WWTR1: variants seen among roughly 807,000 people sequenced by gnomAD.
The protein encoded by WWTR1 is WW domain containing transcription regulator 1, also known as WW domain-containing transcription regulator protein 1.
Under a neutral mutation model 40.1 loss-of-function variants are expected in WWTR1, and 13 were observed. The observed-to-expected ratio is 0.32, with a 90% CI of 0.21 to 0.52. The LOEUF is 0.52. Among genes scored for constraint, WWTR1 ranks in the 20% least tolerant of loss-of-function variants. WWTR1 has a pLI of 0.97. For synonymous variants in WWTR1, 230 were observed against 210.1 expected, an observed-to-expected ratio of 1.09 and a Z score of -0.82; for missense variants, 436 against 523.1, an observed-to-expected ratio of 0.83 and a Z score of 1.63.
rs529706499 is a variant in WWTR1, at chr3:149,539,436, G to C, written c.771+2899C>G. Among the ~76,000 whole-genome samples the C allele has an allele frequency of 7.9e-5, 12 of 152,192 alleles. No individual in the cohort carries two copies. The South Asian group carries it at 2.1e-3, about 26-fold the overall frequency. ...TCCCAGACAGGCTCAGTTGGTAGAA[G>C]GGCAGGTAGGTCTAGGCCTACCTGC... On this transcript the variant is annotated intron_variant, in intron 4 of 6. Coordinates refer to ENST00000360632, the MANE Select transcript of WWTR1 (RefSeq NM_015472.6).
chr3:149,551,539 G>A (rs1736619254), intron 3 of WWTR1, among the ~76,000 whole-genome samples: 1 of 145,294 alleles, frequency 6.9e-6, no homozygotes, highest in African/African-American at 2.6e-5. Context: ...CATGAGAGGG[G>A]AGCATAAAAG....
rs75985398 is a variant in WWTR1 at position 149,678,123 on chromosome 3, A to G, written c.-107-8232T>C. 4.2e-3 allele frequency among the ~76,000 whole-genome samples: 643 copies of G among 152,288 alleles called. 5 individuals are homozygous for G. The highest frequency in any genetic ancestry group is 0.015 in the African/African-American group (618 of 41,564). ...TATATTCAACCTAACATCATTGGCAAATGTAATGGTGCATTTCTTGAGATA... is the reference window on the plus strand; with the variant it reads ...TATATTCAACCTAACATCATTGGCAGATGTAATGGTGCATTTCTTGAGATA... On this transcript the variant is annotated intron_variant, in intron 1 of 7. Coordinates refer to the WWTR1 transcript ENST00000465804.
intron 2 of WWTR1, among the ~76,000 whole-genome samples, chr3:149,610,773 C>T (rs1361108630): frequency 3.9e-5 from 6 of 152,150 alleles, no homozygotes; most frequent in Non-Finnish European, 7.3e-5. Context: ...TGTCAAACAT[C>T]AACTGAACAC....
intron 1 of WWTR1, among the ~76,000 whole-genome samples, chr3:149,671,825 C>T (rs1714097901): frequency 6.6e-6 from 1 of 151,980 alleles, no homozygotes; most frequent in African/African-American, 2.4e-5. Flanking sequence ...TATTATACTT[C>T]TCTGCATTAA....
intron 2 of WWTR1, among the ~76,000 whole-genome samples, chr3:149,585,961 G>A (rs1353190688): frequency 1.3e-5 from 2 of 152,144 alleles, no homozygotes; most frequent in Non-Finnish European, 2.9e-5. Context: ...CCTAAAAAAT[G>A]CTGTTGTTTT....
intron 1 of WWTR1, among the ~76,000 whole-genome samples, chr3:149,678,223 G>C (rs1714335852): frequency 6.6e-6 from 1 of 152,128 alleles, no homozygotes; most frequent in Non-Finnish European, 1.5e-5. Flanking sequence ...CTAATTCACA[G>C]AACACTTATA....
At chr3:149,554,860 C>T (rs1576555946) in intron 3 of WWTR1, among the ~76,000 whole-genome samples, 1 of 152,150 alleles carries the variant, frequency 6.6e-6, no homozygotes, top group Admixed American at 6.5e-5. Flanking sequence ...AATTATCTAG[C>T]CTGTGAAAAA....
chr3:149,655,540 C>G (rs1339825711), intron 2 of WWTR1, among the ~76,000 whole-genome samples: 1 of 152,238 alleles, frequency 6.6e-6, no homozygotes, highest in East Asian at 1.9e-4. Flanking sequence ...AAGGACTGAG[C>G]ACATGTCCAA....
intron 2 of WWTR1, chr3:149,669,706 C>A (rs374501091): frequency 3.3e-5 from 5 of 152,056 alleles, no homozygotes; most frequent in African/African-American, 9.7e-5. Flanking sequence ...ACAATGATAT[C>A]TATATTTATA....
intron 4 of WWTR1, among the ~76,000 whole-genome samples, chr3:149,534,747 G>A (rs1289463633): frequency 6.6e-6 from 1 of 152,158 alleles, no homozygotes; most frequent in African/African-American, 2.4e-5. Context: ...TGCAAAATAA[G>A]GGCTCAAGAA....
intron 3 of WWTR1, among the ~76,000 whole-genome samples, chr3:149,543,699 C>T (rs575223828): frequency 6.8e-6 from 1 of 147,232 alleles, no homozygotes; most frequent in South Asian, 2.2e-4. Context: ...TAGTTTTTCT[C>T]AAAATTGTTT....
At chr3:149,640,944 C>T (rs537165793) in intron 2 of WWTR1, among the ~76,000 whole-genome samples, 9 of 152,124 alleles carry the variant, frequency 5.9e-5, no homozygotes, top group African/African-American at 2.2e-4. Context: ...ATATTCAGAG[C>T]CAAAATTATT....
intron 3 of WWTR1, among the ~76,000 whole-genome samples, chr3:149,547,418 C>A (rs1038793170): frequency 6.6e-6 from 1 of 151,830 alleles, no homozygotes; most frequent in African/African-American, 2.4e-5. Context: ...CCCAGCTACT[C>A]GGGAGGCTGA....
chr3:149,651,710 G>A (rs1457791180), intron 2 of WWTR1, among the ~76,000 whole-genome samples: 1 of 152,072 alleles, frequency 6.6e-6, no homozygotes, highest in East Asian at 1.9e-4. Context: ...CTCATCCTTT[G>A]ATTGGCCCAG....
intron 2 of WWTR1, among the ~76,000 whole-genome samples, chr3:149,627,352 G>A (rs1220066551): frequency 6.6e-6 from 1 of 152,144 alleles, no homozygotes; most frequent in African/African-American, 2.4e-5. Flanking sequence ...GTCATGTGGG[G>A]TAATCAACCC....
intron 2 of WWTR1, among the ~76,000 whole-genome samples, chr3:149,592,144 A>G (rs1738757429): frequency 6.6e-6 from 1 of 152,236 alleles, no homozygotes; most frequent in South Asian, 2.1e-4. Context: ...TCTGTTATCA[A>G]ATAAGTATGG....
chr3:149,644,494 G>A (rs1010529005), intron 2 of WWTR1, among the ~76,000 whole-genome samples: 1 of 152,006 alleles, frequency 6.6e-6, no homozygotes, highest in African/African-American at 2.4e-5. Flanking sequence ...TCACTTTCTT[G>A]AACCAAAAAG....
rs34414853 is a variant in WWTR1 at position 149,568,523 on chromosome 3, CAAAAAAAAAAAAA to C, written c.568+4328_568+4340del. Among the ~76,000 whole-genome samples, 61 of 64,814 alleles carry C rather than the reference CAAAAAAAAAAAAA, an allele frequency of 9.4e-4. 1 individual carries two copies. The highest frequency in any genetic ancestry group is 1.4e-3 in the Non-Finnish European group (45 of 31,610). 42.5% of individuals were successfully genotyped at this position (64,814 alleles called of 152,430 possible). A position where few individuals can be genotyped will look rare whatever the true frequency, so the allele number is the denominator to read the frequency against. On this transcript the variant is annotated intron_variant, in intron 3 of 6. Transcript: ENST00000360632. ...GGAGATGGCTATTTGAATTAAAGTG[CAAAAAAAAAAAAA>C]AAAAAAAAAAAAAAAAAAAAAAAAC... is the stretch of plus-strand genomic sequence containing the variant.
chr3:149,580,130 T>A (rs1192527166), intron 2 of WWTR1, among the ~76,000 whole-genome samples: 3 of 152,256 alleles, frequency 2.0e-5, no homozygotes, highest in Non-Finnish European at 4.4e-5. Flanking sequence ...TGGGGATAAA[T>A]ACTGTTTGCA....
Sources: allele counts gnomAD v4.1 joint callset (sites outside exome capture counted in the v4.1 genomes callset), GRCh38; gene constraint gnomAD v4.1.1; transcripts MANE v1.5; gene names NCBI Gene and HGNC (gene_info 2026-07-23, HGNC 2026-07-21).